The following KDM4A variants were observed in gnomAD, a reference collection of about 807,000 sequenced individuals.
KDM4A encodes the protein lysine demethylase 4A, also known as lysine-specific demethylase 4A.
KDM4A carries 23 observed loss-of-function variants against 127.1 expected under a neutral mutation model. That is an observed-to-expected ratio of 0.18 (90% CI 0.13 to 0.26). The LOEUF is 0.26. Among genes scored for constraint, KDM4A ranks in the 10% least tolerant of loss-of-function variants. The probability of loss-of-function intolerance (pLI) is 1.00; values close to 1 mark genes in which losing one functional copy is unlikely to be tolerated. For synonymous variants in KDM4A, 443 were observed against 466.5 expected, an observed-to-expected ratio of 0.95 and a Z score of 0.65; for missense variants, 890 against 1,329.1, an observed-to-expected ratio of 0.67 and a Z score of 5.14.
At chr1:43,676,361 G>T (rs187806414) in intron 11 of KDM4A, among the ~76,000 whole-genome samples, 1 of 152,054 alleles carries the variant, frequency 6.6e-6, no homozygotes, top group African/African-American at 2.4e-5. Context: ...TTGCTCTGTC[G>T]CCCAGGCTGG....
At chr1:43,697,786 A>G in intron 18 of KDM4A, 57 bp from the exon 19 acceptor site, 2 of 1,504,496 alleles carry the variant, frequency 1.3e-6, no homozygotes, top group South Asian at 2.3e-5. Context: ...CTTCATCTCC[A>G]TATGCCAGGC....
In KDM4A at chr1:43,694,840, C is replaced by G; in HGVS notation, c.2616C>G (p.Asp872Glu). 1 of 1,613,660 alleles carries G rather than the reference C, an allele frequency of 6.2e-7. No homozygotes were observed. The highest frequency in any genetic ancestry group is 2.2e-5 in the East Asian group (1 of 44,854). The change falls in exon 18 of 22, where the codon GAC becomes GAG. Residue 872 changes from aspartate (D) to glutamate (E), a missense_variant. Around this residue, in one of 7 missense-constraint regions of KDM4A, gnomAD observed 246 missense variants for 418.4 expected, o/e 0.59. Transcript: ENST00000372396. The surrounding 1 kb of genome is among the most constrained non-coding windows in gnomAD (Gnocchi z 5.2). Reference sequence around the variant, plus strand: ...CCGGTGTGATGATGCAGCCTGACGACTGGCCTTTTGTGGTCTTCATTACCT... The same window carrying G: ...CCGGTGTGATGATGCAGCCTGACGAGTGGCCTTTTGTGGTCTTCATTACCT... ...QAAGVMMQPDDWPFVVFITCF... is the reference protein window; with the variant it reads ...QAAGVMMQPDEWPFVVFITCF...
Position 43,691,015 on chromosome 1 carries a change from T to C in KDM4A, c.2208T>C (p.Val736=), listed in dbSNP as rs1661096821. ...YLEEDGTSIL[V]SCKKCSVRVH... ...AGGAGGATGGCACCAGCATACTCGT[T>C]TCCTGCAAGAAGTGCAGCGTCCGGG... Residue 736 remains valine (V), a synonymous_variant, in exon 14 of 22, where the codon GTT becomes GTC. Coordinates refer to ENST00000372396, the MANE Select transcript of KDM4A (RefSeq NM_014663.3). The C allele has an allele frequency of 1.9e-6, 3 of 1,614,226 alleles. No homozygotes were observed. The South Asian group carries it at 3.3e-5, about 18-fold the overall frequency.
At chr1:43,703,467 CT>C in intron 19 of KDM4A, 149 bp from the exon 20 acceptor site, 1 of 917,038 alleles carries the variant, frequency 1.1e-6, no homozygotes. Flanking sequence ...TTAGCAAGGT[CT>C]TTAACTGTTA....
chr1:43,668,393 G>A lies in KDM4A; in HGVS notation c.1163+374G>A, dbSNP rs1036579554. ...GCCCACCTCGGCCTCCCAAAGTGCT[G>A]GGATTACAGGTGTGAGCCACCGCGC... On this transcript the variant is annotated intron_variant, in intron 9 of 21. Transcript: ENST00000372396. Among the ~76,000 whole-genome samples the A allele has an allele frequency of 3.9e-5, 6 of 152,278 alleles. No homozygotes were observed. In the South Asian group the frequency reaches 1.2e-3, roughly 32 times the overall value.
intron 3 of KDM4A, among the ~76,000 whole-genome samples, chr1:43,658,925 C>T (rs1226537853): frequency 6.6e-6 from 1 of 152,020 alleles, no homozygotes; most frequent in Non-Finnish European, 1.5e-5. Context: ...CAGGCATGAG[C>T]CACTGTACTT....
intron 11 of KDM4A, among the ~76,000 whole-genome samples, chr1:43,679,629 T>A (rs1446077192): frequency 6.6e-6 from 1 of 152,152 alleles, no homozygotes; most frequent in African/African-American, 2.4e-5. Context: ...AACTGCAGTT[T>A]TTGGTAAAAG....
intron 4 of KDM4A, among the ~76,000 whole-genome samples, chr1:43,662,375 C>T (rs1041050684): frequency 3.3e-5 from 5 of 151,902 alleles, no homozygotes; most frequent in African/African-American, 7.3e-5. Context: ...TTTGGGAGGC[C>T]AAGGCGGGTG....
At chr1:43,695,049 A>G (rs1037260785) in intron 18 of KDM4A, among the ~76,000 whole-genome samples, 155 bp downstream of exon 18, 2 of 152,202 alleles carry the variant, frequency 1.3e-5, no homozygotes, top group Non-Finnish European at 2.9e-5. Flanking sequence ...GCCCCTGTCC[A>G]TCTCCACTCC....
At chr1:43,701,126 G>A (rs1041366951) in intron 19 of KDM4A, among the ~76,000 whole-genome samples, 5 of 151,634 alleles carry the variant, frequency 3.3e-5, no homozygotes, top group Non-Finnish European at 7.4e-5. Context: ...TCCCCATGTT[G>A]TCCAGGATGG....
At position 43,653,326 on chromosome 1, in the gene KDM4A, G is replaced by A. The variant is rs770381285; in HGVS notation, c.138+13G>A. ...AGGGCTAGCCAAGGTAAGGAGCTGG[G>A]ATTGTTCAAATGGTTTTGTTACCTA... On this transcript the variant is annotated intron_variant, in intron 2 of 21. Coordinates refer to ENST00000372396, the MANE Select transcript of KDM4A (RefSeq NM_014663.3). 1.1e-5 allele frequency: 17 copies of A among 1,604,562 alleles called. No individual in the cohort carries two copies. Among genetic ancestry groups the A allele is most frequent in the South Asian group, 8.9e-5 (8 of 89,476 alleles).
At chr1:43,703,501 G>A (rs1305620250) in intron 19 of KDM4A, 116 bp from the exon 20 acceptor site, 8 of 1,311,896 alleles carry the variant, frequency 6.1e-6, no homozygotes. Context: ...CCAGAGAGCT[G>A]CCTTGCTCTC....
intron 3 of KDM4A, among the ~76,000 whole-genome samples, chr1:43,656,695 A>C (rs956605801): frequency 6.7e-6 from 1 of 149,550 alleles, no homozygotes; most frequent in Non-Finnish European, 1.5e-5. Flanking sequence ...CAGAGAATAA[A>C]TTTTGTGTTT....
intron 6 of KDM4A, among the ~76,000 whole-genome samples, 159 bp downstream of exon 6, chr1:43,665,904 C>T (rs978717196): frequency 6.6e-6 from 1 of 152,120 alleles, no homozygotes; most frequent in Admixed American, 6.5e-5. Context: ...AGGGCAGTGA[C>T]GGAGCCTTTT....
Position 43,686,315 on chromosome 1 carries a change from C to T in KDM4A, c.1855+2511C>T, listed in dbSNP as rs1300788733. Among the ~76,000 whole-genome samples, 7 of 141,286 alleles carry T rather than the reference C, an allele frequency of 5.0e-5. No individual in the cohort carries two copies. In the East Asian group the frequency reaches 1.3e-3, roughly 25 times the overall value. The allele number at this position is 141,286 out of a possible 152,430, so 92.7% of individuals were successfully genotyped here. A position where few individuals can be genotyped will look rare whatever the true frequency, so the allele number is the denominator to read the frequency against. ...CCTCCCAAAGTGCTGGGATTACAGG[C>T]GTGAGCCACCACGCCCAGCCTTTTT... On this transcript the variant is annotated intron_variant, in intron 12 of 21. Coordinates refer to ENST00000372396, the MANE Select transcript of KDM4A (RefSeq NM_014663.3).
chr1:43,671,481 GT>G (rs746851926), intron 10 of KDM4A, 23 bp from the exon 11 acceptor site: 3 of 1,526,730 alleles, frequency 2.0e-6, no homozygotes, highest in Non-Finnish European at 2.6e-6. Flanking sequence ...ACTTGGCTCT[GT>G]CTAATGTGTA....
rs1330401510 is a variant in KDM4A, at chr1:43,693,129, G to A, written c.2375+818G>A. ...CTTGCTGCCATTATTTGAGGTCACTGGGTTCCTCACAGTCACAGGATAGTG... is the reference window on the plus strand; with the variant it reads ...CTTGCTGCCATTATTTGAGGTCACTAGGTTCCTCACAGTCACAGGATAGTG... On this transcript the variant is annotated intron_variant, in intron 16 of 21. Coordinates refer to ENST00000372396, the MANE Select transcript of KDM4A (RefSeq NM_014663.3). The surrounding 1 kb of genome is among the most constrained non-coding windows in gnomAD (Gnocchi z 4.2). Among the ~76,000 whole-genome samples, 1 of 152,144 alleles carries A rather than the reference G, an allele frequency of 6.6e-6. No individual in the cohort carries two copies. The highest frequency in any genetic ancestry group is 1.5e-5 in the Non-Finnish European group (1 of 68,026).
chr1:43,703,485 T>C lies in KDM4A; in HGVS notation c.2842-132T>C, dbSNP rs1346960608. ...GCAAGGTCTTTAACTGTTAACATTT[T>C]TCAGCCCAGAGAGCTGCCTTGCTCT... is the stretch of plus-strand genomic sequence containing the variant. On this transcript the variant is annotated intron_variant, in intron 19 of 21. Coordinates refer to ENST00000372396, the MANE Select transcript of KDM4A (RefSeq NM_014663.3). 3.5e-6 allele frequency: 4 copies of C among 1,151,408 alleles called. No individual in the cohort carries two copies. In the African/African-American group the frequency reaches 6.2e-5, roughly 18 times the overall value. 71.3% of individuals were successfully genotyped at this position (1,151,408 alleles called of 1,614,324 possible). A position where few individuals can be genotyped will look rare whatever the true frequency, so the allele number is the denominator to read the frequency against.
intron 11 of KDM4A, among the ~76,000 whole-genome samples, chr1:43,679,728 G>A (rs1029527805): frequency 6.6e-6 from 1 of 152,212 alleles, no homozygotes; most frequent in African/African-American, 2.4e-5. Flanking sequence ...AGAAGTTCTT[G>A]TTAGTTCAAG....
Sources: gnomAD v4.1 joint callset for allele counts (sites outside exome capture counted in the v4.1 genomes callset) on GRCh38, gnomAD v4.1.1 for gene constraint, gnomAD v4.1.1 regional missense constraint, Gnocchi (gnomAD v3.1) non-coding constraint, MANE v1.5 for transcripts, NCBI Gene and HGNC (gene_info 2026-07-23, HGNC 2026-07-21) for gene names.